Variants in SLC16A12 observed in about 807,000 individuals in gnomAD.
SLC16A12 encodes solute carrier family 16 member 12, also known as monocarboxylate transporter 12.
SLC16A12 carries 17 observed loss-of-function variants against 42.4 expected under a neutral mutation model. That is an observed-to-expected ratio of 0.40 (90% CI 0.27 to 0.60). The LOEUF is 0.60. Among genes scored for constraint, SLC16A12 ranks in the 20% least tolerant of loss-of-function variants. The probability of loss-of-function intolerance (pLI) is 0.42; values close to 1 mark genes in which losing one functional copy is unlikely to be tolerated. For synonymous variants in SLC16A12, 224 were observed against 229.4 expected (o/e 0.98, Z 0.21); for missense variants, 544 against 623.0 (o/e 0.87, Z 1.35).
At chr10:89,522,977 TC>T in intron 2 of SLC16A12, among the ~76,000 whole-genome samples, 1 of 152,334 alleles carries the variant, frequency 6.6e-6, no homozygotes, top group Non-Finnish European at 1.5e-5. Flanking sequence ...TTCCTCCATT[TC>T]CTATTTCTCC....
At chr10:89,468,580 G>C (rs774757750) in intron 2 of SLC16A12, among the ~76,000 whole-genome samples, 14 of 152,174 alleles carry the variant, frequency 9.2e-5, no homozygotes, top group Non-Finnish European at 1.2e-4. Flanking sequence ...CAAAAGGAAG[G>C]GGGGAGAAGC....
intron 2 of SLC16A12, among the ~76,000 whole-genome samples, chr10:89,490,078 G>T (rs957186756): frequency 3.3e-5 from 5 of 152,168 alleles, no homozygotes; most frequent in African/African-American, 1.2e-4. Context: ...GTGACTCAAG[G>T]TATGAAGGGT....
chr10:89,461,938 T>C (rs1378378800), intron 3 of SLC16A12, among the ~76,000 whole-genome samples: 2 of 152,202 alleles, frequency 1.3e-5, no homozygotes, highest in Admixed American at 6.6e-5. Flanking sequence ...GAGTGGAAGA[T>C]GAAGAGTGAA....
intron 3 of SLC16A12, among the ~76,000 whole-genome samples, chr10:89,445,997 A>C (rs1418745137): frequency 1.3e-5 from 2 of 152,196 alleles, no homozygotes; most frequent in African/African-American, 4.8e-5. Flanking sequence ...AAGTGGAAGA[A>C]AGGGTATCAG....
chr10:89,458,340 TTC>T (rs1000655265), intron 3 of SLC16A12, among the ~76,000 whole-genome samples: 12 of 152,204 alleles, frequency 7.9e-5, no homozygotes, highest in Admixed American at 5.2e-4. Flanking sequence ...CTCTTCATGG[TTC>T]TTCCACAGAC....
chr10:89,541,714 C>T (rs139361069), intron 2 of SLC16A12, among the ~76,000 whole-genome samples: 1 of 152,184 alleles, frequency 6.6e-6, no homozygotes, highest in African/African-American at 2.4e-5. Context: ...TGTGGGGCTC[C>T]CCTGTGCATT....
At chr10:89,486,000 C>T (rs1403589971) in intron 2 of SLC16A12, among the ~76,000 whole-genome samples, 2 of 152,158 alleles carry the variant, frequency 1.3e-5, no homozygotes, top group Non-Finnish European at 2.9e-5. Context: ...GGAAATTCTG[C>T]CCTATCAGTA....
intron 2 of SLC16A12, among the ~76,000 whole-genome samples, chr10:89,475,022 A>C (rs1842556149): frequency 6.6e-6 from 1 of 152,240 alleles, no homozygotes; most frequent in African/African-American, 2.4e-5. Flanking sequence ...ACAGTGCCTG[A>C]CATGTGTTTG....
intron 2 of SLC16A12, among the ~76,000 whole-genome samples, chr10:89,514,171 C>T (rs763054416): frequency 2.9e-4 from 44 of 152,286 alleles, no homozygotes; most frequent in Middle Eastern, 3.4e-3. Flanking sequence ...CACTGGTCTA[C>T]AGACCGTAAG....
At chr10:89,523,276 A>C (rs1009513721) in intron 2 of SLC16A12, among the ~76,000 whole-genome samples, 1 of 152,176 alleles carries the variant, frequency 6.6e-6, no homozygotes, top group Non-Finnish European at 1.5e-5. Context: ...ACGGATTAGA[A>C]TCCTCCCTTC....
intron 2 of SLC16A12, among the ~76,000 whole-genome samples, chr10:89,531,426 A>AGTACAACT (rs1184045775): frequency 6.6e-6 from 1 of 152,148 alleles, no homozygotes; most frequent in Non-Finnish European, 1.5e-5. Flanking sequence ...ACAATAGCAA[A>AGTACAACT]GTACAACTGG....
intron 2 of SLC16A12, among the ~76,000 whole-genome samples, chr10:89,466,981 A>G (rs563608070): frequency 1.5e-4 from 23 of 152,296 alleles, no homozygotes; most frequent in African/African-American, 1.9e-4. Flanking sequence ...TCAAGAGTCT[A>G]CCTACACCTG....
intron 2 of SLC16A12, among the ~76,000 whole-genome samples, chr10:89,472,617 C>G (rs1367443527): frequency 2.7e-5 from 4 of 149,574 alleles, no homozygotes. Flanking sequence ...CTCAGCCTCT[C>G]GAGTAGCTGG....
intron 2 of SLC16A12, among the ~76,000 whole-genome samples, chr10:89,511,393 T>C (rs1431170635): frequency 1.3e-5 from 2 of 152,168 alleles, no homozygotes; most frequent in Non-Finnish European, 2.9e-5. Flanking sequence ...TGGAATACTA[T>C]GCAGCCATAA....
chr10:89,504,267 A>G (rs1470656801), intron 2 of SLC16A12, among the ~76,000 whole-genome samples: 1 of 152,214 alleles, frequency 6.6e-6, no homozygotes, highest in East Asian at 1.9e-4. Flanking sequence ...GTCACTGATC[A>G]TTGCTTAAAA....
chr10:89,458,087 G>A (rs112813785), intron 3 of SLC16A12, among the ~76,000 whole-genome samples: 1,792 of 152,264 alleles, frequency 0.012, 55 homozygotes, highest in Middle Eastern at 0.017. Context: ...TTCAGACAGA[G>A]GGATTGGCAA....
At chr10:89,524,657 A>C (rs909895446) in intron 2 of SLC16A12, among the ~76,000 whole-genome samples, 1 of 152,198 alleles carries the variant, frequency 6.6e-6, no homozygotes, top group African/African-American at 2.4e-5. Flanking sequence ...TACTTTGTAC[A>C]CACACTTGTG....
At chr10:89,454,155 A>C (rs1412399039) in intron 3 of SLC16A12, among the ~76,000 whole-genome samples, 1 of 151,874 alleles carries the variant, frequency 6.6e-6, no homozygotes, top group African/African-American at 2.4e-5. Context: ...CCTCTCCAAT[A>C]GCTGGAACCA....
chr10:89,519,806 T>C (rs1332160001), intron 2 of SLC16A12, among the ~76,000 whole-genome samples: 1 of 152,044 alleles, frequency 6.6e-6, no homozygotes, highest in Non-Finnish European at 1.5e-5. Context: ...TCTTTTATAA[T>C]CCCAGACATA....
Sources: allele counts gnomAD v4.1 joint callset (sites outside exome capture counted in the v4.1 genomes callset), GRCh38; gene constraint gnomAD v4.1.1; transcripts MANE v1.5; gene names NCBI Gene and HGNC (gene_info 2026-07-23, HGNC 2026-07-21).